DCDC1: variants seen among roughly 807,000 people sequenced by gnomAD.
DCDC1 encodes doublecortin domain-containing protein 1.
A neutral mutation model predicts 178.3 loss-of-function variants in DCDC1; 200 were observed. The ratio of observed to expected loss-of-function variants is 1.12; its 90% confidence interval spans 1.00 to 1.26. DCDC1 has a LOEUF of 1.26. Among genes scored for constraint, DCDC1 ranks in the 50% most tolerant of loss-of-function variants. The pLI is 0.00. For missense variants in DCDC1, 1,983 were observed against 1,749.2 expected (o/e 1.13, Z -2.38); for synonymous variants, 690 against 604.8 (o/e 1.14, Z -2.07).
intron 20 of DCDC1, among the ~76,000 whole-genome samples, chr11:31,053,766 C>T (rs1955413691): frequency 6.6e-6 from 1 of 152,094 alleles, no homozygotes; most frequent in African/African-American, 2.4e-5. Context: ...CAACAAAATC[C>T]AGCATCCCTT....
chr11:31,279,706 G>A (rs1002953624), intron 7 of DCDC1, among the ~76,000 whole-genome samples: 3 of 152,060 alleles, frequency 2.0e-5, no homozygotes, highest in African/African-American at 7.2e-5. Flanking sequence ...TGGACACAGG[G>A]AGGGGAACAT....
In DCDC1 at chr11:31,305,653, G is replaced by T; in HGVS notation, c.716C>A (p.Thr239Lys). ...GAATGGATTTAAAAAGGGCTCTCCC[G>T]TTGAAACATAAACATCGGCTTCATG... is the stretch of plus-strand genomic sequence containing the variant. ...IPHEADVYVS[T>K]GEPFLNPFKK... is the part of the protein sequence containing the mutation. The change falls in exon 6 of 39, where the codon ACG (threonine) becomes AAG (lysine). Residue 239 changes from threonine to lysine, a missense_variant. Transcript: ENST00000684477. 1 of 1,613,558 alleles carries T rather than the reference G, an allele frequency of 6.2e-7. No homozygotes were observed. Among genetic ancestry groups the T allele is most frequent in the South Asian group, 1.1e-5 (1 of 91,050 alleles).
intron 17 of DCDC1, among the ~76,000 whole-genome samples, chr11:31,089,879 T>C (rs1324513438): frequency 6.6e-6 from 1 of 152,178 alleles, no homozygotes; most frequent in African/African-American, 2.4e-5. Flanking sequence ...TAATGTCCCA[T>C]CCAGTAATTC....
At chr11:31,355,326 G>C (rs974293704) in intron 1 of DCDC1, among the ~76,000 whole-genome samples, 1 of 152,122 alleles carries the variant, frequency 6.6e-6, no homozygotes, top group Non-Finnish European at 1.5e-5. Flanking sequence ...GACTACGCTG[G>C]AAAGAGGCCT....
chr11:31,282,091 T>C (rs1413127279), intron 7 of DCDC1, among the ~76,000 whole-genome samples: 1 of 152,176 alleles, frequency 6.6e-6, no homozygotes, highest in East Asian at 1.9e-4. Context: ...AGTCTCATCA[T>C]GTGAGGGGGA....
At chr11:31,204,770 C>T (rs754335966) in intron 9 of DCDC1, among the ~76,000 whole-genome samples, 5 of 152,082 alleles carry the variant, frequency 3.3e-5, no homozygotes, top group Non-Finnish European at 5.9e-5. Context: ...TGCAGTGAGC[C>T]GAGATTGTGC....
chr11:31,204,906 A>C (rs1210774644), intron 9 of DCDC1, among the ~76,000 whole-genome samples: 1 of 152,120 alleles, frequency 6.6e-6, no homozygotes, highest in Admixed American at 6.6e-5. Flanking sequence ...AGAACCTAAC[A>C]TTTCTCTACT....
At chr11:31,208,864 A>C (rs1565433531) in intron 9 of DCDC1, among the ~76,000 whole-genome samples, 1 of 152,084 alleles carries the variant, frequency 6.6e-6, no homozygotes, top group Non-Finnish European at 1.5e-5. Flanking sequence ...ATCAACAAAA[A>C]CCAAACCACT....
rs1433411598 is a variant in DCDC1, at chr11:31,065,123, C to G, written c.2329G>C (p.Glu777Gln). 4 of 764,368 alleles carry G rather than the reference C, an allele frequency of 5.2e-6. No homozygotes were observed. The highest frequency in any genetic ancestry group is 7.2e-6 in the Non-Finnish European group (3 of 417,214). The allele number at this position is 764,368 out of a possible 1,614,324, so 47.3% of individuals were successfully genotyped here. A position where few individuals can be genotyped will look rare whatever the true frequency, so the allele number is the denominator to read the frequency against. Residue 777 changes from glutamate (E) to glutamine (Q), a missense_variant, in exon 19 of 39, where the codon GAG (glutamate) becomes CAG (glutamine). Coordinates refer to ENST00000684477, the MANE Select transcript of DCDC1 (RefSeq NM_001387274.1). ...AYPQFVLTYLEELNAQVDVTQ... is the reference protein window; with the variant it reads ...AYPQFVLTYLQELNAQVDVTQ... ...ACATCTACTTGTGCATTTAGCTCCT[C>G]TAGGTAGGTCAGAACAAACTGAGGA...
intron 9 of DCDC1, among the ~76,000 whole-genome samples, chr11:31,181,826 G>A (rs1968841793): frequency 6.6e-6 from 1 of 151,914 alleles, no homozygotes; most frequent in Admixed American, 6.6e-5. Context: ...CCAATACAAG[G>A]AAGCTAAGAA....
At chr11:31,346,899 T>C (rs1211166183) in intron 1 of DCDC1, among the ~76,000 whole-genome samples, 1 of 152,244 alleles carries the variant, frequency 6.6e-6, no homozygotes, top group Non-Finnish European at 1.5e-5. Flanking sequence ...ACAAATCATA[T>C]GGAATTCAGA....
At position 30,915,562 on chromosome 11, in the gene DCDC1, TCCACCAAAA is replaced by T. The variant is rs760253060; in HGVS notation, c.3593_3601del (p.Val1198_Val1200del). 1.2e-6 allele frequency: 2 copies of T among 1,613,942 alleles called. No homozygotes were observed. The highest frequency in any genetic ancestry group is 1.7e-6 in the Non-Finnish European group (2 of 1,179,860). On this transcript the variant is annotated inframe_deletion, in exon 27 of 39. Coordinates refer to ENST00000684477, the MANE Select transcript of DCDC1 (RefSeq NM_001387274.1). ...CTGATGACTACCATCAGATTTCTTC[TCCACCAAAA>T]CCACCTCCATGCCTGATCGGAGATT...
At chr11:31,205,032 G>A (rs1211568156) in intron 9 of DCDC1, among the ~76,000 whole-genome samples, 2 of 152,078 alleles carry the variant, frequency 1.3e-5, no homozygotes, top group Admixed American at 6.6e-5. Flanking sequence ...ATCACTATAG[G>A]CACCTTCTTA....
chr11:31,088,489 G>A (rs1475508232), intron 17 of DCDC1, among the ~76,000 whole-genome samples: 1 of 151,756 alleles, frequency 6.6e-6, no homozygotes, highest in African/African-American at 2.4e-5. Context: ...TTGCTTTGGT[G>A]ATTATATATT....
chr11:31,219,685 G>A (rs964634118), intron 9 of DCDC1, among the ~76,000 whole-genome samples: 1 of 152,142 alleles, frequency 6.6e-6, no homozygotes, highest in Non-Finnish European at 1.5e-5. Flanking sequence ...CTCGACAAAG[G>A]TGGCAGGCAG....
At chr11:31,217,173 G>A (rs1036105137) in intron 9 of DCDC1, among the ~76,000 whole-genome samples, 1 of 152,136 alleles carries the variant, frequency 6.6e-6, no homozygotes, top group Non-Finnish European at 1.5e-5. Context: ...TCACAGAAGT[G>A]TCAAAAGCAA....
chr11:30,937,295 AC>A (rs1456860859), intron 21 of DCDC1, among the ~76,000 whole-genome samples: 1 of 151,976 alleles, frequency 6.6e-6, no homozygotes. Flanking sequence ...GGAGCGAGCC[AC>A]CCCAGTATTA....
intron 15 of DCDC1, among the ~76,000 whole-genome samples, chr11:31,098,380 T>C (rs1958288960): frequency 6.6e-6 from 1 of 152,164 alleles, no homozygotes; most frequent in African/African-American, 2.4e-5. Context: ...AGATTCCAAA[T>C]CTGTTTTTGA....
At chr11:31,203,860 AC>A (rs1185526792) in intron 9 of DCDC1, among the ~76,000 whole-genome samples, 1 of 152,176 alleles carries the variant, frequency 6.6e-6, no homozygotes, top group East Asian at 1.9e-4. Flanking sequence ...ACCCCATGCA[AC>A]AAAACAAAAA....
Sources: allele counts gnomAD v4.1 joint callset (sites outside exome capture counted in the v4.1 genomes callset), GRCh38; gene constraint gnomAD v4.1.1; transcripts MANE v1.5; gene names NCBI Gene and HGNC (gene_info 2026-07-23, HGNC 2026-07-21).